DCLK1: variants seen among roughly 807,000 people sequenced by gnomAD.
The protein encoded by DCLK1 is doublecortin like kinase 1.
Under a neutral mutation model 86.2 loss-of-function variants are expected in DCLK1, and 16 were observed. That is an observed-to-expected ratio of 0.19 (90% confidence interval 0.13 to 0.28). The LOEUF is 0.28. DCLK1 is among the 10% of genes least tolerant of loss of function. The pLI is 1.00. For synonymous variants in DCLK1, 369 were observed against 370.5 expected, an observed-to-expected ratio of 1.00 and a Z score of 0.05; for missense variants, 590 against 940.2, an observed-to-expected ratio of 0.63 and a Z score of 4.87.
intron 3 of DCLK1, among the ~76,000 whole-genome samples, chr13:36,018,120 T>C (rs958854590): frequency 4.6e-5 from 7 of 152,212 alleles, no homozygotes; most frequent in African/African-American, 1.4e-4. Flanking sequence ...GAATCTCTTT[T>C]ATTTGACCAA....
At position 36,080,624 on chromosome 13, in the gene DCLK1, T is replaced by C. The variant is rs574154473; in HGVS notation, c.723+31245A>G. Among the ~76,000 whole-genome samples the C allele has an allele frequency of 3.9e-5, 6 of 152,318 alleles. No individual in the cohort carries two copies. The South Asian group carries it at 1.2e-3, about 32-fold the overall frequency. On this transcript the variant is annotated intron_variant, in intron 3 of 16. Coordinates refer to ENST00000360631, the MANE Select transcript of DCLK1 (RefSeq NM_001330071.2). ...AATATTCTATGTAAAAATAATTTAT[T>C]GATTCTTGCATTATTTCAATATGTA...
At chr13:35,917,287 T>G (rs972851890) in intron 4 of DCLK1, among the ~76,000 whole-genome samples, 4 of 152,258 alleles carry the variant, frequency 2.6e-5, no homozygotes, top group African/African-American at 9.6e-5. Flanking sequence ...CAGCCATGAA[T>G]CTACAATTGG....
intron 9 of DCLK1, 60 bp from the exon 10 acceptor site, chr13:35,827,814 A>AATG: frequency 6.3e-7 from 1 of 1,594,718 alleles, no homozygotes; most frequent in Non-Finnish European, 8.6e-7. Context: ...GGCTAACTCA[A>AATG]ATGAGTACAA....
chr13:35,983,061 A>T (rs1397662458), intron 3 of DCLK1, among the ~76,000 whole-genome samples: 1 of 151,952 alleles, frequency 6.6e-6, no homozygotes, highest in Non-Finnish European at 1.5e-5. Flanking sequence ...ACTGCACCCG[A>T]CCATGAATTG....
chr13:36,077,824 A>G (rs1386275900), intron 3 of DCLK1, among the ~76,000 whole-genome samples: 1 of 152,146 alleles, frequency 6.6e-6, no homozygotes, highest in Non-Finnish European at 1.5e-5. Flanking sequence ...CAGAATATAA[A>G]CTATTGCCCT....
At chr13:35,788,304 G>T in intron 16 of DCLK1, 1 of 1,612,542 alleles carries the variant, frequency 6.2e-7, no homozygotes, top group African/African-American at 1.3e-5. Flanking sequence ...AGAGAAATGG[G>T]GCAACTCAGT....
intron 15 of DCLK1, among the ~76,000 whole-genome samples, chr13:35,805,053 C>A (rs1593608025): frequency 6.6e-6 from 1 of 152,132 alleles, no homozygotes; most frequent in Non-Finnish European, 1.5e-5. Flanking sequence ...GGGTAGGAAT[C>A]ATGCAAAAAG....
chr13:36,019,787 AAGAC>A (rs1401528297), intron 3 of DCLK1, among the ~76,000 whole-genome samples: 2 of 152,202 alleles, frequency 1.3e-5, no homozygotes, highest in African/African-American at 4.8e-5. Context: ...TGAGTTTTAA[AAGAC>A]AGCGAAAGGC....
chr13:35,947,134 A>G (rs924465484), intron 4 of DCLK1, among the ~76,000 whole-genome samples: 2 of 152,184 alleles, frequency 1.3e-5, no homozygotes, highest in Admixed American at 1.3e-4. Flanking sequence ...ATTAGACATT[A>G]GTTACTTATT....
At chr13:36,039,894 T>A (rs1926327) in intron 3 of DCLK1, among the ~76,000 whole-genome samples, 26,779 of 152,030 alleles carry the variant, frequency 0.18, 2,788 homozygotes, top group East Asian at 0.46. Flanking sequence ...GATATTTATA[T>A]AATACAGACA....
intron 8 of DCLK1, among the ~76,000 whole-genome samples, chr13:35,831,832 A>G (rs1868988008): frequency 6.6e-6 from 1 of 152,212 alleles, no homozygotes; most frequent in African/African-American, 2.4e-5. Flanking sequence ...CCAAACTACT[A>G]GAGGGAAATT....
intron 4 of DCLK1, among the ~76,000 whole-genome samples, chr13:35,923,230 G>A (rs1006033724): frequency 6.6e-6 from 1 of 152,134 alleles, no homozygotes; most frequent in Admixed American, 6.5e-5. Flanking sequence ...GCAACTGATG[G>A]GGACTTTAGA....
Position 35,820,969 on chromosome 13 carries a change from T to C in DCLK1, c.1554+1760A>G, listed in dbSNP as rs114763771. ...CTTCAGCGTCAACTTCATGAAGACA[T>C]GTGTCTCTCTTGTTCCCTGGCACAG... On this transcript the variant is annotated intron_variant, in intron 11 of 16. Transcript: ENST00000360631. 4.4e-3 allele frequency among the ~76,000 whole-genome samples: 673 copies of C among 152,326 alleles called. 3 individuals carry two copies. Among genetic ancestry groups the C allele is most frequent in the African/African-American group, 0.015 (633 of 41,570 alleles).
intron 4 of DCLK1, among the ~76,000 whole-genome samples, chr13:35,930,040 T>C (rs1876339575): frequency 1.3e-5 from 2 of 152,304 alleles, no homozygotes; most frequent in African/African-American, 4.8e-5. Context: ...TACACATGTA[T>C]CAAATTATTA....
intron 5 of DCLK1, among the ~76,000 whole-genome samples, chr13:35,862,075 C>T (rs1401260200): frequency 6.6e-6 from 1 of 151,692 alleles, no homozygotes; most frequent in Non-Finnish European, 1.5e-5. Flanking sequence ...GACTTCCCTC[C>T]CCCATGCATG....
At chr13:35,777,316 G>A (rs181995921) in intron 16 of DCLK1, among the ~76,000 whole-genome samples, 76 of 152,308 alleles carry the variant, frequency 5.0e-4, no homozygotes, top group East Asian at 1.9e-3. Context: ...TTTGTCCAAT[G>A]TTCTGTCTTT....
At chr13:35,775,282 C>T (rs966836973) in intron 16 of DCLK1, among the ~76,000 whole-genome samples, 1 of 152,094 alleles carries the variant, frequency 6.6e-6, no homozygotes, top group Non-Finnish European at 1.5e-5. Context: ...GAAACCAATG[C>T]CTGAAATTGA....
In DCLK1 at chr13:35,968,117, G is replaced by A. The variant is rs538745861; in HGVS notation, c.724-20660C>T. 1.9e-4 allele frequency among the ~76,000 whole-genome samples: 29 copies of A among 152,264 alleles called. 1 individual carries two copies. The South Asian group carries it at 4.8e-3, about 25-fold the overall frequency. On this transcript the variant is annotated intron_variant, in intron 3 of 16. Transcript: ENST00000360631. ...ATGAATCCTGAGGTCATTATGCTAA[G>A]TGAAATGAGTCCATCACAAAAGACA...
intron 3 of DCLK1, among the ~76,000 whole-genome samples, chr13:36,105,681 T>C (rs1242039238): frequency 6.6e-6 from 1 of 152,196 alleles, no homozygotes; most frequent in African/African-American, 2.4e-5. Flanking sequence ...GTAAATTCAA[T>C]ATACAGAAAT....
Sources: gnomAD v4.1 joint callset for allele counts (sites outside exome capture counted in the v4.1 genomes callset) on GRCh38, gnomAD v4.1.1 for gene constraint, MANE v1.5 for transcripts, NCBI Gene and HGNC (gene_info 2026-07-23, HGNC 2026-07-21) for gene names.